MYO1D: variants seen among roughly 807,000 people sequenced by gnomAD.
MYO1D encodes the protein unconventional myosin-Id.
A neutral mutation model predicts 122.0 loss-of-function variants in MYO1D; 83 were observed. The ratio of observed to expected loss-of-function variants is 0.68; its 90% CI spans 0.57 to 0.82. The LOEUF (loss-of-function observed/expected upper bound fraction) is 0.82. Among genes scored for constraint, MYO1D ranks in the 40% least tolerant of loss-of-function variants. The pLI is 0.00. For synonymous variants in MYO1D, 464 were observed against 446.9 expected, an observed-to-expected ratio of 1.04 and a Z score of -0.48; for missense variants, 1,157 against 1,269.5, an observed-to-expected ratio of 0.91 and a Z score of 1.35.
intron 1 of MYO1D, among the ~76,000 whole-genome samples, chr17:32,851,065 T>C (rs2090983242): frequency 6.6e-6 from 1 of 152,076 alleles, no homozygotes; most frequent in Admixed American, 6.5e-5. Flanking sequence ...TCCATGGAGT[T>C]CAACATCAGG....
intron 1 of MYO1D, among the ~76,000 whole-genome samples, chr17:32,851,716 C>G (rs1377202314): frequency 1.3e-5 from 2 of 152,182 alleles, no homozygotes; most frequent in Non-Finnish European, 2.9e-5. Flanking sequence ...CTCAGATCAT[C>G]AGGCATTAGA....
chr17:32,568,376 G>A (rs150196883), intron 21 of MYO1D, among the ~76,000 whole-genome samples: 2 of 152,290 alleles, frequency 1.3e-5, no homozygotes, highest in African/African-American at 2.4e-5. Flanking sequence ...TTCAAGGCAA[G>A]TATGTTTCAT....
chr17:32,586,840 T>C (rs1244715451), intron 21 of MYO1D, among the ~76,000 whole-genome samples: 1 of 152,040 alleles, frequency 6.6e-6, no homozygotes, highest in Non-Finnish European at 1.5e-5. Context: ...TGAATGGGGG[T>C]TCATATGAAG....
intron 21 of MYO1D, among the ~76,000 whole-genome samples, chr17:32,604,521 C>G (rs911189573): frequency 6.6e-6 from 1 of 152,210 alleles, no homozygotes; most frequent in African/African-American, 2.4e-5. Flanking sequence ...CTCTCAGGAC[C>G]TGCTCTCTGT....
At chr17:32,780,471 G>C (rs1000190920) in intron 2 of MYO1D, 105 bp downstream of exon 2, 3 of 1,167,340 alleles carry the variant, frequency 2.6e-6, no homozygotes, top group Admixed American at 1.9e-5. Context: ...AATTGCTCAG[G>C]CTTCTACCTT....
chr17:32,550,770 A>G (rs112355071), intron 21 of MYO1D, among the ~76,000 whole-genome samples: 3,757 of 152,234 alleles, frequency 0.025, 135 homozygotes, highest in African/African-American at 0.086. Context: ...CTGAGGAGGG[A>G]GGACAGCTTG....
intron 8 of MYO1D, among the ~76,000 whole-genome samples, chr17:32,763,080 G>A (rs933833111): frequency 1.4e-5 from 2 of 138,910 alleles, no homozygotes; most frequent in Non-Finnish European, 3.2e-5. Flanking sequence ...CAGCTACTTG[G>A]GAGGCTGAGG....
At chr17:32,855,974 G>A (rs2091024482) in intron 1 of MYO1D, among the ~76,000 whole-genome samples, 1 of 152,104 alleles carries the variant, frequency 6.6e-6, no homozygotes, top group Non-Finnish European at 1.5e-5. Flanking sequence ...TCATTTTTAA[G>A]GCAGGCATTT....
chr17:32,699,344 A>G (rs1316741084), intron 16 of MYO1D, among the ~76,000 whole-genome samples: 1 of 152,210 alleles, frequency 6.6e-6, no homozygotes, highest in Non-Finnish European at 1.5e-5. Context: ...TTACATATCA[A>G]GTTTCTGAAA....
At chr17:32,870,588 A>T (rs1199663674) in intron 1 of MYO1D, among the ~76,000 whole-genome samples, 1 of 134,228 alleles carries the variant, frequency 7.5e-6, no homozygotes, top group Non-Finnish European at 1.6e-5. Flanking sequence ...TTTTGAGAAG[A>T]TTGTCTGCTA....
chr17:32,583,277 ATG>A (rs2087358167), intron 21 of MYO1D, among the ~76,000 whole-genome samples: 1 of 152,052 alleles, frequency 6.6e-6, no homozygotes, highest in African/African-American at 2.4e-5. Flanking sequence ...TCTGTATATA[ATG>A]TGTCTTTCTC....
chr17:32,803,207 C>T (rs769913268), intron 1 of MYO1D, among the ~76,000 whole-genome samples: 87 of 152,174 alleles, frequency 5.7e-4, no homozygotes, highest in South Asian at 1.5e-3. Context: ...AGTGCAGTGG[C>T]GTGATCTCGG....
intron 16 of MYO1D, among the ~76,000 whole-genome samples, chr17:32,674,359 T>C (rs2088772896): frequency 6.6e-6 from 1 of 152,206 alleles, no homozygotes; most frequent in South Asian, 2.1e-4. Flanking sequence ...CATTTTAAAA[T>C]GTTATTGCAA....
At chr17:32,768,412 T>TA (rs1417701398) in intron 6 of MYO1D, among the ~76,000 whole-genome samples, 1 of 152,180 alleles carries the variant, frequency 6.6e-6, no homozygotes, top group East Asian at 1.9e-4. Flanking sequence ...ACATTGGAAA[T>TA]ACAAGTGCGT....
intron 11 of MYO1D, among the ~76,000 whole-genome samples, chr17:32,754,767 G>A (rs992858574): frequency 2.0e-5 from 3 of 152,164 alleles, no homozygotes; most frequent in East Asian, 1.9e-4. Flanking sequence ...TCTCAGGGGC[G>A]ATGATGATGT....
At chr17:32,594,174 C>A (rs1225364499) in intron 21 of MYO1D, 2 of 164,258 alleles carry the variant, frequency 1.2e-5, no homozygotes, top group African/African-American at 4.8e-5. Flanking sequence ...AGAAAAAGTG[C>A]ATTCAGTACA....
intron 1 of MYO1D, among the ~76,000 whole-genome samples, chr17:32,787,988 C>T (rs1598099670): frequency 6.6e-6 from 1 of 152,146 alleles, no homozygotes; most frequent in African/African-American, 2.4e-5. Context: ...TCTTTATCCA[C>T]TCATTGGTTC....
At chr17:32,755,688 T>C in intron 10 of MYO1D, 26 bp from the exon 11 acceptor site, 18 of 1,601,004 alleles carry the variant, frequency 1.1e-5, no homozygotes, top group Non-Finnish European at 1.5e-5. Context: ...AGGAGGGAAT[T>C]CTGAAGAGAA....
At chr17:32,663,336 A>G (rs2088596067) in intron 16 of MYO1D, among the ~76,000 whole-genome samples, 1 of 152,124 alleles carries the variant, frequency 6.6e-6, no homozygotes, top group Non-Finnish European at 1.5e-5. Context: ...TTTGCCCCCA[A>G]ACAGTGCCTG....
Sources: allele counts gnomAD v4.1 joint callset (sites outside exome capture counted in the v4.1 genomes callset), GRCh38; gene constraint gnomAD v4.1.1; transcripts MANE v1.5; gene names NCBI Gene and HGNC (gene_info 2026-07-23, HGNC 2026-07-21).